Variants in IL23R observed in about 807,000 individuals in gnomAD.
The protein encoded by IL23R is interleukin-23 receptor.
IL23R carries 34 observed loss-of-function variants against 56.9 expected under a neutral mutation model. That is an observed-to-expected ratio of 0.60 (90% CI 0.45 to 0.80). The LOEUF (loss-of-function observed/expected upper bound fraction) is 0.80, where lower values mean the gene tolerates loss of function less well. Among genes scored for constraint, IL23R ranks in the 30% least tolerant of loss-of-function variants. The pLI is 0.00. For missense variants in IL23R, 635 were observed against 730.0 expected (o/e 0.87, Z 1.50); for synonymous variants, 230 against 249.2 (o/e 0.92, Z 0.73).
intron 6 of IL23R, among the ~76,000 whole-genome samples, chr1:67,211,399 T>A (rs1402589222): frequency 6.6e-6 from 1 of 152,162 alleles, no homozygotes; most frequent in South Asian, 2.1e-4. Context: ...GGCAGGCGGA[T>A]CACCTGAGCT....
chr1:67,183,050 A>C, intron 4 of IL23R, 91 bp downstream of exon 4: 3 of 1,422,876 alleles, frequency 2.1e-6, no homozygotes, highest in Non-Finnish European at 3.0e-6. Context: ...AATCAGCCTC[A>C]AACATTAAAT....
At chr1:67,208,462 C>T (rs528302934) in intron 6 of IL23R, among the ~76,000 whole-genome samples, 2 of 152,346 alleles carry the variant, frequency 1.3e-5, no homozygotes, top group South Asian at 4.1e-4. Context: ...GGTCACTGTG[C>T]TGTGTGCAGC....
At chr1:67,145,844 G>T (rs1200148782) in intron 1 of IL23R, among the ~76,000 whole-genome samples, 3 of 152,164 alleles carry the variant, frequency 2.0e-5, no homozygotes, top group African/African-American at 7.2e-5. Flanking sequence ...TTCCCACATT[G>T]AATCTGGGGT....
chr1:67,250,991 G>A (rs2100368194), intron 9 of IL23R, among the ~76,000 whole-genome samples: 1 of 152,324 alleles, frequency 6.6e-6, no homozygotes, highest in South Asian at 2.1e-4. Flanking sequence ...TTCCAAAACA[G>A]GATCAGTGGC....
intron 7 of IL23R, among the ~76,000 whole-genome samples, chr1:67,222,393 AGGCGTGAGCCAT>A (rs1038413296): frequency 8.5e-5 from 13 of 152,222 alleles, no homozygotes; most frequent in Admixed American, 8.5e-4. Flanking sequence ...CTGGGATTAC[AGGCGTGAGCCAT>A]GGCACCCAGC....
chr1:67,198,893 C>A (rs1046253774), intron 4 of IL23R, among the ~76,000 whole-genome samples: 2 of 152,130 alleles, frequency 1.3e-5, no homozygotes, highest in Non-Finnish European at 2.9e-5. Context: ...TGCAGTGAGC[C>A]AAGATGGCCC....
chr1:67,199,403 T>C (rs562312250), intron 4 of IL23R, among the ~76,000 whole-genome samples: 1 of 152,170 alleles, frequency 6.6e-6, no homozygotes, highest in Non-Finnish European at 1.5e-5. Flanking sequence ...TATGTCCTGA[T>C]AGAAATGTCT....
intron 7 of IL23R, among the ~76,000 whole-genome samples, chr1:67,227,800 T>C (rs958411674): frequency 4.6e-5 from 7 of 152,328 alleles, no homozygotes; most frequent in African/African-American, 1.7e-4. Flanking sequence ...GAAATTCTAA[T>C]CACTTTAGAC....
upstream of IL23R, among the ~76,000 whole-genome samples, chr1:67,165,436 C>T (rs1646863835): frequency 6.6e-6 from 1 of 152,152 alleles, no homozygotes. Context: ...AATAGACCTA[C>T]CTTAGGATCC....
chr1:67,188,981 C>T (rs752854715), intron 4 of IL23R, among the ~76,000 whole-genome samples: 14 of 151,492 alleles, frequency 9.2e-5, no homozygotes, highest in African/African-American at 2.7e-4. Flanking sequence ...GAAACCTGAC[C>T]GATTTGATTG....
At chr1:67,263,987 G>A (rs548147460), downstream of IL23R, among the ~76,000 whole-genome samples, 4 of 151,996 alleles carry the variant, frequency 2.6e-5, no homozygotes, top group African/African-American at 7.3e-5. Context: ...TCTCTTCTCC[G>A]CCCTTGCCTC....
intron 4 of IL23R, among the ~76,000 whole-genome samples, chr1:67,192,466 T>C (rs1295396398): frequency 1.3e-5 from 2 of 152,188 alleles, no homozygotes; most frequent in Non-Finnish European, 2.9e-5. Context: ...TATCTCTATT[T>C]ACAGTCATTA....
chr1:67,193,604 T>G (rs1647904803), intron 4 of IL23R, among the ~76,000 whole-genome samples: 1 of 152,212 alleles, frequency 6.6e-6, no homozygotes, highest in South Asian at 2.1e-4. Flanking sequence ...ACAAATCATC[T>G]GTCATGTATT....
chr1:67,227,477 G>C (rs1182249800), intron 7 of IL23R, among the ~76,000 whole-genome samples: 1 of 150,248 alleles, frequency 6.7e-6, no homozygotes, highest in Admixed American at 6.7e-5. Context: ...GTATGAGCAA[G>C]ATATTAAACA....
At chr1:67,255,678 A>G in intron 9 of IL23R, among the ~76,000 whole-genome samples, 159 bp from the exon 10 acceptor site, 1 of 152,050 alleles carries the variant, frequency 6.6e-6, no homozygotes. Flanking sequence ...GACTCAAGCA[A>G]TCCTCCCACC....
intron 1 of IL23R, among the ~76,000 whole-genome samples, chr1:67,144,982 A>C (rs1190140462): frequency 3.9e-5 from 6 of 152,218 alleles, no homozygotes; most frequent in Non-Finnish European, 8.8e-5. Flanking sequence ...ATTCCTTCCC[A>C]AACTTGCTCC....
intron 6 of IL23R, among the ~76,000 whole-genome samples, chr1:67,208,131 G>A (rs1649211346): frequency 1.3e-5 from 2 of 152,172 alleles, no homozygotes; most frequent in Non-Finnish European, 2.9e-5. Context: ...TAGGGTGTCT[G>A]GTAGAAGAAA....
At position 67,255,870 on chromosome 1, in the gene IL23R, G is replaced by A; in HGVS notation, c.1182G>A (p.Lys394=). 1 of 1,596,334 alleles carries A rather than the reference G, an allele frequency of 6.3e-7. No individual in the cohort carries two copies. The highest frequency in any genetic ancestry group is 8.6e-7 in the Non-Finnish European group (1 of 1,164,074). Residue 394 remains lysine (K), a synonymous_variant, in exon 10 of 11, where the codon AAG becomes AAA. Coordinates refer to ENST00000347310, the MANE Select transcript of IL23R (RefSeq NM_144701.3). ...IKRRILLLIP[K]WLYEDIPNMK... ...GAAGGATCTTATTGTTAATACCAAA[G>A]TGGCTTTATGAAGATATTCCTAATA...
intron 9 of IL23R, among the ~76,000 whole-genome samples, chr1:67,247,680 G>T (rs983108729): frequency 4.6e-5 from 7 of 152,086 alleles, no homozygotes; most frequent in African/African-American, 1.7e-4. Flanking sequence ...TGGTTATTTT[G>T]CCCATTAGTT....
Sources: gnomAD v4.1 joint callset for allele counts (sites outside exome capture counted in the v4.1 genomes callset) on GRCh38, gnomAD v4.1.1 for gene constraint, MANE v1.5 for transcripts, NCBI Gene and HGNC (gene_info 2026-07-23, HGNC 2026-07-21) for gene names.